The following SCNN1A variants were observed in gnomAD, a reference collection of about 807,000 sequenced individuals.
The protein encoded by SCNN1A is sodium channel epithelial 1 subunit alpha, also known as epithelial sodium channel subunit alpha.
Under a neutral mutation model 68.6 loss-of-function variants are expected in SCNN1A, and 65 were observed. That is an observed-to-expected ratio of 0.95 (90% confidence interval 0.78 to 1.16). The LOEUF is 1.16. Ranked by LOEUF, SCNN1A falls within the 50% of genes most tolerant of loss-of-function variation. The pLI, the probability that SCNN1A is intolerant of heterozygous loss-of-function variation, is 0.00. For synonymous variants in SCNN1A, 357 were observed against 353.3 expected, an observed-to-expected ratio of 1.01 and a Z score of -0.12; for missense variants, 880 against 865.9, an observed-to-expected ratio of 1.02 and a Z score of -0.20.
intron 4 of SCNN1A, among the ~76,000 whole-genome samples, chr12:6,357,427 C>T (rs1249087984): frequency 6.7e-6 from 1 of 149,480 alleles, no homozygotes; most frequent in Non-Finnish European, 1.5e-5. Context: ...TACAAAAATT[C>T]GCCAGGCGTG....
rs533030910 is a variant in SCNN1A, at chr12:6,351,952, C to T, written c.1360+2486G>A. 1.3e-5 allele frequency among the ~76,000 whole-genome samples: 2 copies of T among 151,976 alleles called. No individual in the cohort carries two copies. Among genetic ancestry groups the T allele is most frequent in the Non-Finnish European group, 2.9e-5 (2 of 68,012 alleles). On this transcript the variant is annotated intron_variant, in intron 8 of 12. Coordinates refer to ENST00000228916, the MANE Select transcript of SCNN1A (RefSeq NM_001038.6). This position sits in a 1 kb window ranked among gnomAD's most constrained non-coding sequence, Gnocchi z 4.2. ...TTTTTGTAAAGACAGGGTTTCGCCA[C>T]GTTGCCCAGGCTGGTGTCGAAATCC...
chr12:6,374,517 C>T lies in SCNN1A; in HGVS notation c.267G>A (p.Val89=), dbSNP rs1404156414. 1.9e-6 allele frequency: 3 copies of T among 1,614,118 alleles called. No individual in the cohort carries two copies. Among genetic ancestry groups the T allele is most frequent in the Non-Finnish European group, 2.5e-6 (3 of 1,180,048 alleles). The change falls in exon 2 of 13, where the codon GTG becomes GTA. Residue 89 remains valine (V), a synonymous_variant. Transcript: ENST00000228916. This position sits in a 1 kb window ranked among gnomAD's most constrained non-coding sequence, Gnocchi z 6.2. ...HNRMKTAFWA[V]LWLCTFGMMY... ...TCATGCCAAAGGTGCAGAGCCACAGCACTGCCCAGAAGGCCGTCTTCATGC... is the reference window on the plus strand; with the variant it reads ...TCATGCCAAAGGTGCAGAGCCACAGTACTGCCCAGAAGGCCGTCTTCATGC...
At position 6,374,745 on chromosome 12, in the gene SCNN1A, A is replaced by G; in HGVS notation, c.39T>C (p.Pro13=). The change falls in exon 2 of 13, where the codon CCT becomes CCC. Residue 13 remains proline (P), a synonymous_variant. Transcript: ENST00000228916. The surrounding 1 kb of genome is among the most constrained non-coding windows in gnomAD (Gnocchi z 6.2). ...GNKLEEQDSS[P]PQSTPGLMKG... ...TCATGAGCCCTGGAGTGGACTGTGG[A>G]GGGCTAGAGTCCTGCTCCTCCAGCT... The G allele has an allele frequency of 6.2e-7, 1 of 1,613,964 alleles. No individual in the cohort carries two copies. The highest frequency in any genetic ancestry group is 8.5e-7 in the Non-Finnish European group (1 of 1,179,966).
intron 4 of SCNN1A, among the ~76,000 whole-genome samples, chr12:6,357,861 G>A (rs1004460529): frequency 1.3e-5 from 2 of 152,202 alleles, no homozygotes; most frequent in Admixed American, 6.5e-5. Flanking sequence ...AGCCGGGCAC[G>A]GCGGCACATG....
chr12:6,368,752 A>G (rs1423970177), intron 2 of SCNN1A, among the ~76,000 whole-genome samples: 2 of 152,172 alleles, frequency 1.3e-5, no homozygotes, highest in Non-Finnish European at 2.9e-5. Context: ...ATGGTGCCCC[A>G]GAAAGAGCAC....
intron 6 of SCNN1A, among the ~76,000 whole-genome samples, 191 bp downstream of exon 6, chr12:6,355,081 G>A (rs968516197): frequency 6.6e-6 from 1 of 151,914 alleles, no homozygotes; most frequent in African/African-American, 2.4e-5. Flanking sequence ...CTCAGCACTT[G>A]TCCCCCAGGG....
upstream of SCNN1A, chr12:6,376,125 AG>A: frequency 1.0e-6 from 1 of 987,418 alleles, no homozygotes; most frequent in South Asian, 4.6e-5. Flanking sequence ...CCTCACCCTC[AG>A]GCCCTGCAGA....
chr12:6,367,448 A>G (rs1043137440), intron 2 of SCNN1A, among the ~76,000 whole-genome samples: 2 of 152,238 alleles, frequency 1.3e-5, no homozygotes, highest in Admixed American at 1.3e-4. Flanking sequence ...ACTCAGCAAT[A>G]AAAAGGAACT....
chr12:6,369,118 C>G (rs1281710591), intron 2 of SCNN1A, among the ~76,000 whole-genome samples: 10 of 152,092 alleles, frequency 6.6e-5, no homozygotes, highest in Admixed American at 6.5e-4. Context: ...ACTCCTTCCC[C>G]AGGCTGGCTC....
Position 6,362,191 on chromosome 12 carries a change from C to A in SCNN1A, c.735G>T (p.Val245=). 6.2e-7 allele frequency: 1 copy of A among 1,614,226 alleles called. No homozygotes were observed. The highest frequency in any genetic ancestry group is 8.5e-7 in the Non-Finnish European group (1 of 1,180,018). Residue 245 remains valine (V), a synonymous_variant, in exon 4 of 13, where the codon GTG becomes GTT. Coordinates refer to ENST00000228916, the MANE Select transcript of SCNN1A (RefSeq NM_001038.6). ...AGCGGTACCACTCCCTCACCGCATCCACCCCTGATGAGTATGTCTGGTAGA... is the reference window on the plus strand; with the variant it reads ...AGCGGTACCACTCCCTCACCGCATCAACCCCTGATGAGTATGTCTGGTAGA... The part of the protein sequence containing the change: ...DCFYQTYSSG[V]DAVREWYRFH...
chr12:6,354,945 G>GC, intron 6 of SCNN1A, 97 bp from the exon 7 acceptor site: 1 of 1,032,200 alleles, frequency 9.7e-7, no homozygotes. Flanking sequence ...ACACCTGCCA[G>GC]CCCCTCCTAC....
rs530684895 is a variant in SCNN1A at position 6,371,303 on chromosome 12, A to G, written c.416+3065T>C. Among the ~76,000 whole-genome samples, 13 of 152,008 alleles carry G rather than the reference A, an allele frequency of 8.6e-5. No homozygotes were observed. The South Asian group carries it at 2.5e-3, about 29-fold the overall frequency. Reference sequence around the variant, plus strand: ...TTACCTCCCTGCCACTCTCCTGAGTAGGAGTGGCCCTGGATCCCTCCCTCC... The same window carrying G: ...TTACCTCCCTGCCACTCTCCTGAGTGGGAGTGGCCCTGGATCCCTCCCTCC... On this transcript the variant is annotated intron_variant, in intron 2 of 12. Coordinates refer to ENST00000228916, the MANE Select transcript of SCNN1A (RefSeq NM_001038.6).
In SCNN1A at chr12:6,354,503, G is replaced by A; in HGVS notation, c.1295C>T (p.Ala432Val). 2 of 1,613,782 alleles carry A rather than the reference G, an allele frequency of 1.2e-6. No homozygotes were observed. Among genetic ancestry groups the A allele is most frequent in the South Asian group, 1.1e-5 (1 of 91,068 alleles). ...QESMIKECGC[A>V]YIFYPRPQNV... ...CTGGGGCCGCGGATAGAAGATGTAG[G>A]CACAGCCACACTCCTTGATCATGCT... Residue 432 changes from alanine (A) to valine (V), a missense_variant, in exon 8 of 13, where the codon GCC (alanine) becomes GTC (valine). Ala to Val is a moderately conservative substitution (Grantham distance 64, BLOSUM62 0). This residue lies in a region of SCNN1A where 758 missense variants were observed against 721.8 expected (regional missense o/e 1.05). Coordinates refer to ENST00000228916, the MANE Select transcript of SCNN1A (RefSeq NM_001038.6).
Position 6,375,517 on chromosome 12 carries a change from G to T in SCNN1A, c.-67C>A. 1 of 1,535,446 alleles carries T rather than the reference G, an allele frequency of 6.5e-7. No homozygotes were observed. The highest frequency in any genetic ancestry group is 8.7e-7 in the Non-Finnish European group (1 of 1,146,754). ...TCCTCCCCCTCACCTGACAGGTGCA[G>T]CGGCCTGGCTGGGGAGCCCGCCCGC... On this transcript the variant is annotated 5_prime_UTR_variant, in exon 1 of 13. It adds an upstream start codon to the 5' untranslated region. Transcript: ENST00000228916.
intron 6 of SCNN1A, 147 bp downstream of exon 6, chr12:6,355,124 GC>G (rs1948473361): frequency 1.1e-6 from 1 of 919,248 alleles, no homozygotes; most frequent in African/African-American, 1.6e-5. Context: ...CCCAGTGCCA[GC>G]CCCTCTGCCC....
chr12:6,361,972 C>T, intron 4 of SCNN1A, 79 bp downstream of exon 4: 1 of 1,472,004 alleles, frequency 6.8e-7, no homozygotes, highest in Non-Finnish European at 9.5e-7. Context: ...ATTTCCTGGG[C>T]CCTGCCCATG....
At chr12:6,367,628 A>G (rs1948702500) in intron 2 of SCNN1A, among the ~76,000 whole-genome samples, 1 of 152,216 alleles carries the variant, frequency 6.6e-6, no homozygotes, top group African/African-American at 2.4e-5. Flanking sequence ...GAGGAAGAGG[A>G]ATTGATGGAA....
At chr12:6,367,040 C>G (rs1283484586) in intron 2 of SCNN1A, among the ~76,000 whole-genome samples, 2 of 152,134 alleles carry the variant, frequency 1.3e-5, no homozygotes, top group African/African-American at 4.8e-5. Flanking sequence ...AAGTTTGAGA[C>G]CAGCCTGGGC....
At chr12:6,349,560 TAAGA>T (rs1018034465) in intron 8 of SCNN1A, among the ~76,000 whole-genome samples, 155 bp from the exon 9 acceptor site, 13 of 151,994 alleles carry the variant, frequency 8.6e-5, no homozygotes, top group Non-Finnish European at 1.8e-4. Flanking sequence ...AAGAAGCGTT[TAAGA>T]AATTAAGCTA....
Sources: allele counts gnomAD v4.1 joint callset (sites outside exome capture counted in the v4.1 genomes callset), GRCh38; gene constraint gnomAD v4.1.1; regional missense constraint gnomAD v4.1.1; non-coding constraint Gnocchi (gnomAD v3.1); transcripts MANE v1.5; gene names NCBI Gene and HGNC (gene_info 2026-07-23, HGNC 2026-07-21).